Variants in NAV3 observed in about 807,000 individuals in gnomAD.
NAV3 encodes the protein pore membrane and/or filament interacting like protein 1.
In NAV3, 87 loss-of-function variants were observed where a neutral mutation model predicts 244.7. The observed-to-expected ratio is 0.36, with a 90% CI of 0.30 to 0.42. The LOEUF is 0.42. NAV3 is among the 20% of genes least tolerant of loss of function. The probability of loss-of-function intolerance (pLI) is 1.00; values close to 1 mark genes in which losing one functional copy is unlikely to be tolerated. For missense variants in NAV3, 2,663 were observed against 2,893.3 expected, an observed-to-expected ratio of 0.92 and a Z score of 1.83; for synonymous variants, 1,126 against 1,042.2, an observed-to-expected ratio of 1.08 and a Z score of -1.55.
At chr12:77,605,446 A>C (rs546985192) in intron 2 of NAV3, among the ~76,000 whole-genome samples, 3 of 152,142 alleles carry the variant, frequency 2.0e-5, no homozygotes, top group Non-Finnish European at 4.4e-5. Flanking sequence ...ACAAAGCTCC[A>C]GGCCATTTAG....
At chr12:77,619,967 T>C (rs1039537300) in intron 2 of NAV3, among the ~76,000 whole-genome samples, 6 of 152,192 alleles carry the variant, frequency 3.9e-5, no homozygotes, top group Non-Finnish European at 8.8e-5. Flanking sequence ...TTAAAGGATA[T>C]GAAAGGTAGA....
At chr12:77,842,482 T>C (rs1875841489) in intron 1 of NAV3, among the ~76,000 whole-genome samples, 1 of 151,580 alleles carries the variant, frequency 6.6e-6, no homozygotes, top group African/African-American at 2.4e-5. Context: ...GCCAAGACTG[T>C]GTACGATCTG....
At position 78,210,730 on chromosome 12, in the gene NAV3, T is replaced by C; in HGVS notation, c.*213T>C. The C allele has an allele frequency of 1.8e-6, 1 of 568,120 alleles. No homozygotes were observed. The allele number at this position is 568,120 out of a possible 1,614,324, so 35.2% of individuals were successfully genotyped here. On this transcript the variant is annotated 3_prime_UTR_variant, in exon 40 of 40. Coordinates refer to ENST00000397909, the MANE Select transcript of NAV3 (RefSeq NM_001024383.2). ...CTTTAGTTTATTTCTAAGCATTTTTTATATCTGTGGAGTAATAGAAAGCTC... is the reference window on the plus strand; with the variant it reads ...CTTTAGTTTATTTCTAAGCATTTTTCATATCTGTGGAGTAATAGAAAGCTC...
At chr12:77,650,556 A>C (rs1166944215) in intron 2 of NAV3, among the ~76,000 whole-genome samples, 3 of 152,194 alleles carry the variant, frequency 2.0e-5, no homozygotes, top group Non-Finnish European at 4.4e-5. Flanking sequence ...TAAAAATCTG[A>C]TGCAGAAAAG....
chr12:77,905,957 T>C, intron 1 of NAV3, among the ~76,000 whole-genome samples: 1 of 152,134 alleles, frequency 6.6e-6, no homozygotes, highest in Non-Finnish European at 1.5e-5. Flanking sequence ...TACTGGGTAG[T>C]TAACTGTCAC....
intron 1 of NAV3, among the ~76,000 whole-genome samples, chr12:77,893,032 G>A (rs752586615): frequency 9.2e-5 from 14 of 152,050 alleles, no homozygotes; most frequent in Admixed American, 2.0e-4. Flanking sequence ...ACATCTCACT[G>A]GATGTTAGGT....
chr12:78,051,017 A>G lies in NAV3; in HGVS notation c.2386A>G (p.Met796Val), dbSNP rs760355864. ...AGCTGCTGTCTCTAGGCTGGGAAAC[A>G]TGTCACAGATTGACATGAGTGAGAA... ...RRAAVSRLGNMSQIDMSEKAS... is the reference protein window; with the variant it reads ...RRAAVSRLGNVSQIDMSEKAS... Residue 796 changes from methionine to valine, a missense_variant, in exon 11 of 40, where the codon ATG (methionine) becomes GTG (valine). Around this residue, in one of 6 missense-constraint regions of NAV3, gnomAD observed 1,521 missense variants for 1,497.0 expected, o/e 1.02. Transcript: ENST00000397909. The G allele has an allele frequency of 3.7e-6, 6 of 1,614,030 alleles. No homozygotes were observed. In the African/African-American group the frequency reaches 4.0e-5, roughly 11 times the overall value.
At chr12:77,968,780 G>T (rs1014691194) in intron 5 of NAV3, 78 bp downstream of exon 5, 1 of 1,420,838 alleles carries the variant, frequency 7.0e-7, no homozygotes, top group African/African-American at 1.4e-5. Flanking sequence ...TATTGTCCAT[G>T]AGTTTGAAAA....
intron 3 of NAV3, among the ~76,000 whole-genome samples, chr12:77,951,674 G>A (rs967132739): frequency 6.6e-6 from 1 of 152,058 alleles, no homozygotes; most frequent in Non-Finnish European, 1.5e-5. Flanking sequence ...CAACCCAAAT[G>A]TCCATCAATG....
intron 8 of NAV3, among the ~76,000 whole-genome samples, chr12:78,008,850 C>T (rs1202406556): frequency 1.3e-5 from 2 of 152,088 alleles, no homozygotes; most frequent in African/African-American, 2.4e-5. Flanking sequence ...CTCCTTCTGA[C>T]TCCAGGGTCC....
intron 2 of NAV3, among the ~76,000 whole-genome samples, chr12:77,740,108 A>G (rs147324824): frequency 0.012 from 1,762 of 152,314 alleles, 21 homozygotes; most frequent in Middle Eastern, 0.024. Context: ...CAATTGTAAT[A>G]TTAGCTGTAA....
intron 18 of NAV3, 132 bp from the exon 19 acceptor site, chr12:78,137,036 GGCAGACTCT>G: frequency 4.3e-6 from 3 of 694,464 alleles, no homozygotes; most frequent in Non-Finnish European, 6.7e-6. Flanking sequence ...ACATTTCAGA[GGCAGACTCT>G]TACCTTAAAT....
intron 2 of NAV3, among the ~76,000 whole-genome samples, chr12:77,715,176 A>G (rs1180602154): frequency 1.3e-5 from 2 of 152,020 alleles, no homozygotes; most frequent in Non-Finnish European, 2.9e-5. Flanking sequence ...AGCAAAGAAG[A>G]AATATTTAGT....
At chr12:77,661,089 T>C (rs1373450710) in intron 2 of NAV3, among the ~76,000 whole-genome samples, 1 of 152,154 alleles carries the variant, frequency 6.6e-6, no homozygotes, top group African/African-American at 2.4e-5. Context: ...AAATATATGT[T>C]TTAATTTTTT....
chr12:77,846,420 G>C (rs1400957913), intron 1 of NAV3, among the ~76,000 whole-genome samples: 5 of 152,192 alleles, frequency 3.3e-5, no homozygotes, highest in Non-Finnish European at 2.9e-5. Flanking sequence ...AATGTTGGAA[G>C]AATAAATGAG....
At chr12:78,072,235 A>G (rs1425083089) in intron 12 of NAV3, among the ~76,000 whole-genome samples, 291 of 150,422 alleles carry the variant, frequency 1.9e-3, no homozygotes, top group Middle Eastern at 3.4e-3. Context: ...CACAAAATTA[A>G]TGAATCCAGG....
rs368683134 is a variant in NAV3 at position 77,876,012 on chromosome 12, G to A, written c.243+44308G>A. 4.3e-3 allele frequency among the ~76,000 whole-genome samples: 652 copies of A among 151,934 alleles called. 5 individuals are homozygous for A. Among genetic ancestry groups the A allele is most frequent in the Middle Eastern group, 0.02 (6 of 294 alleles). ...TAGAATGACACTGAAATTTGTTATTGTTCTTATTTCCATCTAAATACCAAA... is the reference window on the plus strand; with the variant it reads ...TAGAATGACACTGAAATTTGTTATTATTCTTATTTCCATCTAAATACCAAA... On this transcript the variant is annotated intron_variant, in intron 1 of 39. Coordinates refer to ENST00000397909, the MANE Select transcript of NAV3 (RefSeq NM_001024383.2).
intron 11 of NAV3, among the ~76,000 whole-genome samples, chr12:78,053,275 T>C (rs768153826): frequency 4.6e-5 from 7 of 151,652 alleles, no homozygotes; most frequent in African/African-American, 1.7e-4. Context: ...TGTGTATGTA[T>C]GTATATATAC....
chr12:77,824,241 A>ATT (rs61710960), intron 2 of NAV3, among the ~76,000 whole-genome samples: 10,363 of 104,862 alleles, frequency 0.099, 969 homozygotes, highest in African/African-American at 0.25. Context: ...GCCCAACTAA[A>ATT]TTTTTTTTTT....
Sources: gnomAD v4.1 joint callset for allele counts (sites outside exome capture counted in the v4.1 genomes callset) on GRCh38, gnomAD v4.1.1 for gene constraint, gnomAD v4.1.1 regional missense constraint, MANE v1.5 for transcripts, NCBI Gene and HGNC (gene_info 2026-07-23, HGNC 2026-07-21) for gene names.